The following LUZP2 variants were observed in gnomAD, a reference collection of about 807,000 sequenced individuals.
LUZP2 encodes the protein leucine zipper protein 2.
LUZP2 carries 52 observed loss-of-function variants against 51.6 expected under a neutral mutation model. The ratio of observed to expected loss-of-function variants is 1.01; its 90% confidence interval spans 0.81 to 1.27. LUZP2 has a LOEUF of 1.27. Ranked by LOEUF, LUZP2 falls within the 50% of genes most tolerant of loss-of-function variation. The pLI is 0.00. For missense variants in LUZP2, 436 were observed against 395.4 expected (o/e 1.10, Z -0.87); for synonymous variants, 154 against 137.3 (o/e 1.12, Z -0.85).
At chr11:24,900,962 T>C (rs1340857730) in intron 5 of LUZP2, among the ~76,000 whole-genome samples, 1 of 152,194 alleles carries the variant, frequency 6.6e-6, no homozygotes, top group Non-Finnish European at 1.5e-5. Context: ...CCTGATCACC[T>C]TTCTCTAATG....
chr11:24,903,470 A>T (rs1853340881), intron 5 of LUZP2, among the ~76,000 whole-genome samples: 1 of 152,060 alleles, frequency 6.6e-6, no homozygotes, highest in South Asian at 2.1e-4. Flanking sequence ...AAAATAAAAA[A>T]CCCTGTTCAA....
At position 24,900,117 on chromosome 11, in the gene LUZP2, CTGAAT is replaced by C. The variant is rs199530946; in HGVS notation, c.397-5871_397-5867del. Among the ~76,000 whole-genome samples the C allele has an allele frequency of 8.1e-3, 1,239 of 152,228 alleles. 9 individuals carry two copies. The highest frequency in any genetic ancestry group is 0.014 in the Non-Finnish European group (961 of 68,008). Reference sequence around the variant, plus strand: ...TGTGTTTAATGATTTCGAATGTATACTGAATTGTAGATATTACATTATTGGGCACC... The same window carrying C: ...TGTGTTTAATGATTTCGAATGTATACTGTAGATATTACATTATTGGGCACC... On this transcript the variant is annotated intron_variant, in intron 5 of 11. Transcript: ENST00000336930.
chr11:25,019,227 A>G (rs1016798810), intron 9 of LUZP2, among the ~76,000 whole-genome samples: 3 of 152,190 alleles, frequency 2.0e-5, no homozygotes, highest in Admixed American at 6.6e-5. Flanking sequence ...CATGACAGTA[A>G]ACAGAATCTA....
chr11:24,903,523 T>C (rs1335965796), intron 5 of LUZP2, among the ~76,000 whole-genome samples: 1 of 152,220 alleles, frequency 6.6e-6, no homozygotes, highest in Admixed American at 6.5e-5. Context: ...AAACTTGATG[T>C]ATCTGTTCAT....
intron 1 of LUZP2, among the ~76,000 whole-genome samples, chr11:24,566,903 TTA>T (rs1367101668): frequency 0.087 from 374 of 4,316 alleles, 2 homozygotes; most frequent in African/African-American, 0.2. Flanking sequence ...TTTATATATG[TTA>T]TATATATATA....
intron 1 of LUZP2, among the ~76,000 whole-genome samples, chr11:24,586,411 C>G (rs1268459331): frequency 1.3e-5 from 2 of 151,680 alleles, no homozygotes; most frequent in Non-Finnish European, 2.9e-5. Context: ...ACTAAGACAC[C>G]TGAAGAGTTT....
At chr11:25,049,382 T>C (rs1330996621) in intron 9 of LUZP2, among the ~76,000 whole-genome samples, 2 of 152,208 alleles carry the variant, frequency 1.3e-5, no homozygotes, top group African/African-American at 4.8e-5. Flanking sequence ...AACCTACCTA[T>C]AGCGGTATTT....
At chr11:24,859,584 C>T (rs1281671835) in intron 5 of LUZP2, among the ~76,000 whole-genome samples, 5 of 151,050 alleles carry the variant, frequency 3.3e-5, no homozygotes, top group South Asian at 2.1e-4. Flanking sequence ...GCATGGTGCT[C>T]GGAGGCTTCC....
chr11:25,030,040 G>A (rs1172108901), intron 9 of LUZP2, among the ~76,000 whole-genome samples: 1 of 152,124 alleles, frequency 6.6e-6, no homozygotes, highest in Non-Finnish European at 1.5e-5. Context: ...TAAGATTACT[G>A]ACATTAGATG....
chr11:24,659,694 A>T (rs1855950260), intron 1 of LUZP2, among the ~76,000 whole-genome samples: 1 of 152,174 alleles, frequency 6.6e-6, no homozygotes, highest in Non-Finnish European at 1.5e-5. Flanking sequence ...AAGATGAAAA[A>T]AATTGATTTA....
At chr11:24,906,929 G>A (rs1156896656) in intron 6 of LUZP2, among the ~76,000 whole-genome samples, 1 of 152,290 alleles carries the variant, frequency 6.6e-6, no homozygotes, top group East Asian at 1.9e-4. Context: ...GTTAAAACAA[G>A]TTTACCCTTT....
At chr11:25,026,591 G>T (rs1857498702) in intron 9 of LUZP2, among the ~76,000 whole-genome samples, 1 of 151,920 alleles carries the variant, frequency 6.6e-6, no homozygotes. Flanking sequence ...GACTAATTAA[G>T]GGGTGATTAT....
At chr11:24,503,068 T>C (rs1331571222) in intron 1 of LUZP2, among the ~76,000 whole-genome samples, 2 of 152,158 alleles carry the variant, frequency 1.3e-5, no homozygotes, top group Admixed American at 1.3e-4. Context: ...ATCACTGATA[T>C]AGAGGCAGCC....
At chr11:24,502,372 A>G (rs1850021660) in intron 1 of LUZP2, among the ~76,000 whole-genome samples, 1 of 140,740 alleles carries the variant, frequency 7.1e-6, no homozygotes, top group Admixed American at 7.2e-5. Context: ...GTTTTTTTCC[A>G]AAGTATTTTG....
At chr11:24,897,867 C>T (rs11028262) in intron 5 of LUZP2, among the ~76,000 whole-genome samples, 1 of 152,174 alleles carries the variant, frequency 6.6e-6, no homozygotes, top group East Asian at 1.9e-4. Context: ...AGGAGATTTT[C>T]ATCTTTGTCC....
intron 6 of LUZP2, among the ~76,000 whole-genome samples, chr11:24,907,487 ATT>A (rs1565090715): frequency 6.6e-6 from 1 of 152,036 alleles, no homozygotes; most frequent in African/African-American, 2.4e-5. Context: ...CTAGTGTAGC[ATT>A]TCATTTCTTT....
At chr11:24,826,020 A>G (rs1850518173) in intron 5 of LUZP2, among the ~76,000 whole-genome samples, 1 of 151,218 alleles carries the variant, frequency 6.6e-6, no homozygotes, top group South Asian at 2.1e-4. Context: ...AAAAATACAA[A>G]AAATTAGCTG....
At chr11:24,622,968 T>A (rs1854549580) in intron 1 of LUZP2, among the ~76,000 whole-genome samples, 1 of 152,160 alleles carries the variant, frequency 6.6e-6, no homozygotes, top group Non-Finnish European at 1.5e-5. Context: ...GAAGCAAAAC[T>A]GTTTTGCAAA....
At chr11:24,897,126 T>C (rs1188244616) in intron 5 of LUZP2, among the ~76,000 whole-genome samples, 1 of 152,132 alleles carries the variant, frequency 6.6e-6, no homozygotes, top group Non-Finnish European at 1.5e-5. Context: ...GGCTAGAGGA[T>C]TGTAAATACA....
Sources: gnomAD v4.1 joint callset for allele counts (sites outside exome capture counted in the v4.1 genomes callset) on GRCh38, gnomAD v4.1.1 for gene constraint, MANE v1.5 for transcripts, NCBI Gene and HGNC (gene_info 2026-07-23, HGNC 2026-07-21) for gene names.